Variants in TPP2 observed in about 807,000 individuals in gnomAD.
TPP2 encodes the protein tripeptidyl-peptidase 2.
A neutral mutation model predicts 155.9 loss-of-function variants in TPP2; 34 were observed. The observed-to-expected ratio is 0.22, with a 90% CI of 0.17 to 0.29. The LOEUF (loss-of-function observed/expected upper bound fraction) is 0.29. TPP2 is among the 10% of genes least tolerant of loss of function. The pLI, the probability that TPP2 is intolerant of heterozygous loss-of-function variation, is 1.00. For synonymous variants in TPP2, 510 were observed against 529.4 expected (o/e 0.96, Z 0.50); for missense variants, 1,028 against 1,522.3 (o/e 0.68, Z 5.40).
intron 25 of TPP2, among the ~76,000 whole-genome samples, chr13:102,660,419 T>A: frequency 7.6e-6 from 1 of 132,436 alleles, no homozygotes; most frequent in Non-Finnish European, 1.6e-5. Context: ...AAAAATAAAA[T>A]GTGTAGGAAC....
chr13:102,612,790 T>C (rs1469965934), intron 2 of TPP2, among the ~76,000 whole-genome samples: 1 of 152,230 alleles, frequency 6.6e-6, no homozygotes, highest in Admixed American at 6.5e-5. Flanking sequence ...GTTTTTATTG[T>C]ACTTTATGTT....
At chr13:102,663,130 A>ATTTATTTT (rs1555305225) in intron 25 of TPP2, among the ~76,000 whole-genome samples, 38 of 76,524 alleles carry the variant, frequency 5.0e-4, no homozygotes, top group African/African-American at 2.8e-3. Flanking sequence ...TTATTTATTT[A>ATTTATTTT]TTTTTTTTAA....
chr13:102,672,008 G>A (rs1331082617), intron 27 of TPP2, among the ~76,000 whole-genome samples: 2 of 152,182 alleles, frequency 1.3e-5, no homozygotes, highest in Non-Finnish European at 2.9e-5. Flanking sequence ...GCGGGCACCA[G>A]TGACTTACTG....
At chr13:102,618,883 A>G (rs1566328467) in intron 5 of TPP2, 37 bp downstream of exon 5, 2 of 1,573,640 alleles carry the variant, frequency 1.3e-6, no homozygotes, top group Non-Finnish European at 1.7e-6. Context: ...TCATTTACAA[A>G]TGTTTTCTTT....
Position 102,646,245 on chromosome 13 carries a change from A to G in TPP2, c.2394-49A>G, listed in dbSNP as rs113340407. ...TGTTGCATATGGTTTTATTTGTCTC[A>G]TTCAATGAACTCTTGAATCAAACCA... On this transcript the variant is annotated intron_variant, in intron 19 of 29. Transcript: ENST00000376052. 1,774 of 1,488,298 alleles carry G rather than the reference A, an allele frequency of 1.2e-3. 3 individuals are homozygous for G. Among genetic ancestry groups the G allele is most frequent in the Non-Finnish European group, 1.5e-3 (1,655 of 1,088,248 alleles). 92.2% of individuals were successfully genotyped at this position (1,488,298 alleles called of 1,614,324 possible). A position where few individuals can be genotyped will look rare whatever the true frequency, so the allele number is the denominator to read the frequency against.
Position 102,601,631 on chromosome 13 carries a change from C to A in TPP2, c.166-3162C>A, listed in dbSNP as rs1162611690. 2.6e-5 allele frequency among the ~76,000 whole-genome samples: 4 copies of A among 152,200 alleles called. 1 individual carries two copies. On this transcript the variant is annotated intron_variant, in intron 1 of 29. Coordinates refer to ENST00000376052, the MANE Select transcript of TPP2 (RefSeq NM_001330588.2). ...TACCGATACTAACTGCCCATGCTTT[C>A]AGTCCCTCTTTCCCATGTGAAGCCT... is the stretch of plus-strand genomic sequence containing the variant.
At chr13:102,677,324 G>A (rs1025963911) in intron 29 of TPP2, among the ~76,000 whole-genome samples, 3 of 152,064 alleles carry the variant, frequency 2.0e-5, no homozygotes, top group African/African-American at 7.2e-5. Flanking sequence ...GATCCCTGCC[G>A]ACGTTCACAT....
Position 102,623,347 on chromosome 13 carries a change from T to C in TPP2, c.784+307T>C, listed in dbSNP as rs1470490203. Among the ~76,000 whole-genome samples, 8 of 152,162 alleles carry C rather than the reference T, an allele frequency of 5.3e-5. No individual in the cohort carries two copies. The East Asian group carries it at 1.5e-3, about 29-fold the overall frequency. On this transcript the variant is annotated intron_variant, in intron 6 of 29. Transcript: ENST00000376052. ...GGGAGGCCGAGGTGTGTGGATCACC[T>C]GAGGCTGGGAGTTTGAGACCAGCCT... is the stretch of plus-strand genomic sequence containing the variant.
intron 1 of TPP2, among the ~76,000 whole-genome samples, chr13:102,599,329 T>C (rs1879248540): frequency 6.6e-6 from 1 of 152,244 alleles, no homozygotes; most frequent in African/African-American, 2.4e-5. Context: ...TTGACTCAGA[T>C]ATTGGCCTAA....
At chr13:102,675,449 G>A (rs1885229005) in intron 28 of TPP2, among the ~76,000 whole-genome samples, 1 of 152,140 alleles carries the variant, frequency 6.6e-6, no homozygotes, top group Non-Finnish European at 1.5e-5. Context: ...TTATCTACAC[G>A]ACCTGCCTTA....
chr13:102,606,912 G>A (rs929418025), intron 2 of TPP2, among the ~76,000 whole-genome samples: 1 of 152,138 alleles, frequency 6.6e-6, no homozygotes, highest in Non-Finnish European at 1.5e-5. Context: ...ATCCCTCTTT[G>A]TGTTGGTATT....
intron 29 of TPP2, among the ~76,000 whole-genome samples, chr13:102,677,461 C>G (rs1885350244): frequency 6.6e-6 from 1 of 152,188 alleles, no homozygotes; most frequent in African/African-American, 2.4e-5. Context: ...GGAATAAAAT[C>G]CAAACTCTCC....
chr13:102,622,800 T>C lies in TPP2; in HGVS notation c.621-77T>C, dbSNP rs928855122. 20 of 1,458,908 alleles carry C rather than the reference T, an allele frequency of 1.4e-5. No homozygotes were observed. The African/African-American group carries it at 2.6e-4, about 19-fold the overall frequency. 90.4% of individuals were successfully genotyped at this position (1,458,908 alleles called of 1,614,324 possible). A position where few individuals can be genotyped will look rare whatever the true frequency, so the allele number is the denominator to read the frequency against. On this transcript the variant is annotated intron_variant, in intron 5 of 29. Transcript: ENST00000376052. ...TAGAGGTAGTAGTATAGTAAAATAG[T>C]GGAGAGACTATGTTACATGATTTTT...
At chr13:102,597,225 CG>C in intron 1 of TPP2, 22 bp downstream of exon 1, 2 of 1,331,034 alleles carry the variant, frequency 1.5e-6, no homozygotes, top group Non-Finnish European at 1.9e-6. Context: ...CCCGAGGGCC[CG>C]GGCGCGGGGG....
In TPP2 at chr13:102,649,518, C is replaced by T. The variant is rs766535424; in HGVS notation, c.2952+32C>T. 5 of 1,549,476 alleles carry T rather than the reference C, an allele frequency of 3.2e-6. No homozygotes were observed. In the African/African-American group the frequency reaches 6.9e-5, roughly 21 times the overall value. On this transcript the variant is annotated intron_variant, in intron 23 of 29. Transcript: ENST00000376052. ...ATTAGTTTTTTAAACACTGAAATTA[C>T]CTATTAAAAAATTTCATTTCTTTAA...
At chr13:102,648,736 G>A (rs958561315) in intron 21 of TPP2, among the ~76,000 whole-genome samples, 171 bp from the exon 22 acceptor site, 5 of 152,084 alleles carry the variant, frequency 3.3e-5, no homozygotes, top group South Asian at 2.1e-4. Flanking sequence ...GCTCACCAGC[G>A]TACTAGGGAC....
At chr13:102,662,115 T>G (rs1884269464) in intron 25 of TPP2, among the ~76,000 whole-genome samples, 1 of 152,160 alleles carries the variant, frequency 6.6e-6, no homozygotes, top group African/African-American at 2.4e-5. Context: ...CCAACATGAA[T>G]GCACCTTGAA....
At chr13:102,612,072 G>A (rs1880367521) in intron 2 of TPP2, among the ~76,000 whole-genome samples, 1 of 152,120 alleles carries the variant, frequency 6.6e-6, no homozygotes, top group Non-Finnish European at 1.5e-5. Context: ...TTAACTGGAA[G>A]TCATTTTAAA....
At chr13:102,628,968 A>G (rs928714673) in intron 8 of TPP2, among the ~76,000 whole-genome samples, 1 of 152,124 alleles carries the variant, frequency 6.6e-6, no homozygotes, top group Non-Finnish European at 1.5e-5. Context: ...TCTTCATGGT[A>G]TAACCTCATC....
Sources: allele counts gnomAD v4.1 joint callset (sites outside exome capture counted in the v4.1 genomes callset), GRCh38; gene constraint gnomAD v4.1.1; transcripts MANE v1.5; gene names NCBI Gene and HGNC (gene_info 2026-07-23, HGNC 2026-07-21).